Variants in BRAF observed in about 807,000 individuals in gnomAD.
BRAF encodes serine/threonine-protein kinase B-raf.
In BRAF, 16 loss-of-function variants were observed where a neutral mutation model predicts 104.6. That is an observed-to-expected ratio of 0.15 (90% CI 0.10 to 0.23). BRAF has a LOEUF of 0.23. BRAF is among the 10% of genes least tolerant of loss of function. The pLI is 1.00. For missense variants in BRAF, 541 were observed against 937.3 expected (o/e 0.58, Z 5.52); for synonymous variants, 310 against 341.6 (o/e 0.91, Z 1.02).
rs149885052 is a variant in BRAF at position 140,842,253 on chromosome 7, T to C, written c.241-7381A>G. 2.6e-5 allele frequency among the ~76,000 whole-genome samples: 4 copies of C among 152,344 alleles called. No homozygotes were observed. The East Asian group carries it at 7.7e-4, about 29-fold the overall frequency. On this transcript the variant is annotated intron_variant, in intron 2 of 19. Coordinates refer to ENST00000644969, the MANE Select transcript of BRAF (RefSeq NM_001374258.1). ...AACCTTGGCTACCAATTACAAGTTG[T>C]GTAACCTTGGCCATATTATTAAATC...
At chr7:140,893,807 T>C (rs1204816216) in intron 1 of BRAF, among the ~76,000 whole-genome samples, 2 of 151,970 alleles carry the variant, frequency 1.3e-5, no homozygotes, top group East Asian at 3.9e-4. Flanking sequence ...CACTATCAAA[T>C]GCATTTTAGG....
intron 1 of BRAF, among the ~76,000 whole-genome samples, chr7:140,854,371 A>G (rs1562996811): frequency 6.6e-6 from 1 of 152,196 alleles, no homozygotes; most frequent in Admixed American, 6.5e-5. Context: ...CATAATAGGT[A>G]TGCAATTAAA....
intron 1 of BRAF, among the ~76,000 whole-genome samples, chr7:140,884,826 A>G (rs1813372687): frequency 6.6e-6 from 1 of 151,952 alleles, no homozygotes; most frequent in Non-Finnish European, 1.5e-5. Flanking sequence ...TATTTACCAC[A>G]TTAAAAATTA....
At chr7:140,858,405 A>T (rs573096368) in intron 1 of BRAF, among the ~76,000 whole-genome samples, 237 of 152,378 alleles carry the variant, frequency 1.6e-3, no homozygotes, top group African/African-American at 5.4e-3. Context: ...ATTGTGGAAC[A>T]TTCTCTAAGA....
intron 3 of BRAF, among the ~76,000 whole-genome samples, chr7:140,814,794 T>TATATATATTATATATAAC (rs1562973188): frequency 2.3e-5 from 3 of 130,708 alleles, no homozygotes; most frequent in African/African-American, 8.7e-5. Flanking sequence ...ATATATAACA[T>TATATATATTATATATAAC]ATATATATTA....
intron 1 of BRAF, among the ~76,000 whole-genome samples, chr7:140,873,619 C>G (rs1331166786): frequency 6.6e-6 from 1 of 152,130 alleles, no homozygotes; most frequent in Non-Finnish European, 1.5e-5. Flanking sequence ...AAGTGATAAC[C>G]TCCACTGCAA....
chr7:140,843,661 A>G (rs962522881), intron 2 of BRAF, among the ~76,000 whole-genome samples: 4 of 152,180 alleles, frequency 2.6e-5, no homozygotes, highest in African/African-American at 9.7e-5. Flanking sequence ...TATACAACAC[A>G]TACATATATA....
At chr7:140,796,290 G>T (rs999836752) in intron 7 of BRAF, among the ~76,000 whole-genome samples, 2 of 151,346 alleles carry the variant, frequency 1.3e-5, no homozygotes, top group African/African-American at 2.4e-5. Context: ...GGCAGAGACT[G>T]CAGTGAGCCA....
At chr7:140,892,243 G>A (rs188159041) in intron 1 of BRAF, among the ~76,000 whole-genome samples, 38 of 151,818 alleles carry the variant, frequency 2.5e-4, no homozygotes, top group Middle Eastern at 6.8e-3. Context: ...GTGAGAGAGC[G>A]AGAATCTGTG....
chr7:140,792,309 ATATAGAGCTGATGACT>A (rs961341481), intron 8 of BRAF, among the ~76,000 whole-genome samples: 14 of 152,182 alleles, frequency 9.2e-5, no homozygotes, highest in Non-Finnish European at 1.9e-4. Context: ...TTTTTCTAAA[ATATAGAGCTGATGACT>A]TCCTCTCCCA....
intron 1 of BRAF, among the ~76,000 whole-genome samples, chr7:140,893,695 CAG>C (rs940793390): frequency 1.3e-5 from 2 of 152,112 alleles, no homozygotes; most frequent in African/African-American, 4.8e-5. Flanking sequence ...ACCAATAAAA[CAG>C]GGAGTGGGGG....
intron 14 of BRAF, among the ~76,000 whole-genome samples, chr7:140,761,653 G>A (rs1798753106): frequency 6.6e-6 from 1 of 152,124 alleles, no homozygotes; most frequent in South Asian, 2.1e-4. Flanking sequence ...CATCTCACAT[G>A]CAGAGACACA....
At chr7:140,866,282 C>T (rs1205084056) in intron 1 of BRAF, among the ~76,000 whole-genome samples, 3 of 152,180 alleles carry the variant, frequency 2.0e-5, no homozygotes, top group Admixed American at 6.5e-5. Flanking sequence ...CTGGTCATAA[C>T]TTTCTCTCAC....
intron 3 of BRAF, among the ~76,000 whole-genome samples, chr7:140,832,968 G>C (rs1031143344): frequency 1.3e-5 from 2 of 151,524 alleles, no homozygotes; most frequent in African/African-American, 4.9e-5. Flanking sequence ...CCGCCTCCCG[G>C]GTTCACAGCA....
intron 16 of BRAF, among the ~76,000 whole-genome samples, chr7:140,752,685 G>A (rs959425664): frequency 2.6e-5 from 4 of 151,048 alleles, no homozygotes; most frequent in African/African-American, 9.7e-5. Flanking sequence ...ATTTTTTTTT[G>A]TCTTTCCTCT....
At chr7:140,915,838 T>C (rs1419466959) in intron 1 of BRAF, among the ~76,000 whole-genome samples, 3 of 151,812 alleles carry the variant, frequency 2.0e-5, no homozygotes, top group Non-Finnish European at 4.4e-5. Flanking sequence ...ATTGTATTAC[T>C]CTCTCCCTGG....
intron 1 of BRAF, among the ~76,000 whole-genome samples, chr7:140,882,785 G>A (rs1339751660): frequency 6.6e-6 from 1 of 151,974 alleles, no homozygotes; most frequent in Non-Finnish European, 1.5e-5. Context: ...CTGAGGTCAG[G>A]AGTTGGAGAC....
At chr7:140,727,558 A>C (rs150035335) in intron 19 of BRAF, among the ~76,000 whole-genome samples, 3 of 152,176 alleles carry the variant, frequency 2.0e-5, no homozygotes, top group African/African-American at 7.2e-5. Flanking sequence ...TATACACACC[A>C]TAGTTAATTT....
intron 2 of BRAF, 83 bp from the exon 3 acceptor site, chr7:140,834,955 TATA>T (rs889054394): frequency 1.3e-6 from 2 of 1,521,466 alleles, no homozygotes; most frequent in Non-Finnish European, 1.8e-6. Flanking sequence ...AGCCTTTGAT[TATA>T]ATCTTTTCAC....
Sources: allele counts gnomAD v4.1 joint callset (sites outside exome capture counted in the v4.1 genomes callset), GRCh38; gene constraint gnomAD v4.1.1; transcripts MANE v1.5; gene names NCBI Gene and HGNC (gene_info 2026-07-23, HGNC 2026-07-21).